The following NISCH variants were observed in gnomAD, a reference collection of about 807,000 sequenced individuals.
NISCH encodes nischarin.
In NISCH, 55 loss-of-function variants were observed where a neutral mutation model predicts 138.4. The observed-to-expected ratio is 0.40, with a 90% CI of 0.32 to 0.50. The LOEUF (loss-of-function observed/expected upper bound fraction) is 0.50. Ranked by LOEUF, NISCH falls within the 20% of genes least tolerant of loss-of-function variation. The pLI is 0.71. For missense variants in NISCH, 1,643 were observed against 2,005.5 expected (o/e 0.82, Z 3.45); for synonymous variants, 860 against 861.5 (o/e 1.00, Z 0.03).
chr3:52,474,547 C>T (rs548406267), intron 7 of NISCH, among the ~76,000 whole-genome samples: 2 of 152,274 alleles, frequency 1.3e-5, no homozygotes, highest in Non-Finnish European at 2.9e-5. Context: ...CCACCCGCCT[C>T]GGCCTCCCAA....
In NISCH at chr3:52,478,110, T is replaced by C; in HGVS notation, c.1001T>C (p.Leu334Pro). The C allele has an allele frequency of 6.2e-7, 1 of 1,613,880 alleles. No homozygotes were observed. Reference sequence around the variant, plus strand: ...ACGCCGCTGCAGCACCTGTATAACCTTGTGCATCTGGACCTGTCCTACAAC... The same window carrying C: ...ACGCCGCTGCAGCACCTGTATAACCCTGTGCATCTGGACCTGTCCTACAAC... ...VVDNLQHLYN[L>P]VHLDLSYNKL... Residue 334 changes from leucine (L) to proline (P), a missense_variant, in exon 10 of 21, where the codon CTT becomes CCT. By Grantham distance (98) the Leu-to-Pro change is moderately conservative. Transcript: ENST00000345716.
chr3:52,485,787 G>T lies in NISCH; in HGVS notation c.1663G>T (p.Asp555Tyr). The T allele has an allele frequency of 6.3e-7, 1 of 1,582,612 alleles. No homozygotes were observed. Among genetic ancestry groups the T allele is most frequent in the South Asian group, 1.2e-5 (1 of 86,690 alleles). Residue 555 changes from aspartate to tyrosine, a missense_variant, in exon 15 of 21, where the codon GAT (aspartate) becomes TAT (tyrosine). Transcript: ENST00000345716. ...ESIPAGQAAS[D>Y]DLRDVPGAVG... ...TTTCTTTCTCCATCAGGCAGCTTCC[G>T]ATGATTTAAGGGACGTGCCAGGAGC...
intron 3 of NISCH, among the ~76,000 whole-genome samples, chr3:52,466,980 T>C (rs988616299): frequency 1.3e-5 from 2 of 148,968 alleles, no homozygotes; most frequent in Non-Finnish European, 3.0e-5. Context: ...TAAACATAGC[T>C]GACACTAAGT....
chr3:52,481,145 T>A, intron 13 of NISCH: 1 of 1,239,474 alleles, frequency 8.1e-7, no homozygotes, highest in Non-Finnish European at 1.0e-6. Flanking sequence ...CTTAGAGGGA[T>A]AAGATACCGG....
intron 3 of NISCH, among the ~76,000 whole-genome samples, chr3:52,467,608 G>T (rs146941278): frequency 6.6e-6 from 1 of 152,362 alleles, no homozygotes; most frequent in East Asian, 1.9e-4. Flanking sequence ...AAGTGTTGCA[G>T]CAGTATGTAC....
At position 52,470,877 on chromosome 3, in the gene NISCH, G is replaced by A. The variant is rs781492284; in HGVS notation, c.379G>A (p.Ala127Thr). 3.1e-6 allele frequency: 5 copies of A among 1,614,134 alleles called. No homozygotes were observed. Among genetic ancestry groups the A allele is most frequent in the South Asian group, 2.2e-5 (2 of 91,080 alleles). The change falls in exon 4 of 21, where the codon GCG (alanine) becomes ACG (threonine). Residue 127 changes from alanine to threonine, a missense_variant. Ala to Thr is a moderately conservative substitution (Grantham distance 58). Coordinates refer to ENST00000345716, the MANE Select transcript of NISCH (RefSeq NM_007184.4). ...FHFYEINGIT[A>T]ALAEELFEKG... Reference sequence around the variant, plus strand: ...TCTGCAGGAGATAAATGGCATCACCGCGGCACTGGCTGAAGAGCTCTTTGA... The same window carrying A: ...TCTGCAGGAGATAAATGGCATCACCACGGCACTGGCTGAAGAGCTCTTTGA...
At chr3:52,484,033 C>T (rs982325675) in intron 13 of NISCH, among the ~76,000 whole-genome samples, 6 of 152,214 alleles carry the variant, frequency 3.9e-5, no homozygotes, top group Admixed American at 1.3e-4. Flanking sequence ...ATGTTCTATC[C>T]GCTGGCCGTT....
chr3:52,465,682 T>G (rs547810081), intron 3 of NISCH, among the ~76,000 whole-genome samples: 1 of 152,146 alleles, frequency 6.6e-6, no homozygotes, highest in African/African-American at 2.4e-5. Flanking sequence ...TAGCACACCA[T>G]GTGGGCCGGG....
chr3:52,489,715 C>G (rs756880811), intron 17 of NISCH, 37 bp downstream of exon 17: 4 of 1,592,216 alleles, frequency 2.5e-6, no homozygotes, highest in Non-Finnish European at 3.4e-6. Flanking sequence ...TATGGCACGG[C>G]CAGTCCTGAG....
intron 17 of NISCH, 78 bp downstream of exon 17, chr3:52,489,756 T>G: frequency 6.5e-7 from 1 of 1,548,708 alleles, no homozygotes; most frequent in South Asian, 1.2e-5. Flanking sequence ...CAGGTCAGCC[T>G]CAGGTCCCTG....
chr3:52,476,615 C>G lies in NISCH; in HGVS notation c.918+16C>G. On this transcript the variant is annotated intron_variant, in intron 8 of 20. Coordinates refer to ENST00000345716, the MANE Select transcript of NISCH (RefSeq NM_007184.4). ...CGAGTCTGTGGTATGCTCTCAGCAGCAGGTGCCAGGGGTTTCTCTGGCCCC... is the reference window on the plus strand; with the variant it reads ...CGAGTCTGTGGTATGCTCTCAGCAGGAGGTGCCAGGGGTTTCTCTGGCCCC... The G allele has an allele frequency of 1.2e-6, 2 of 1,613,644 alleles. No individual in the cohort carries two copies. The highest frequency in any genetic ancestry group is 2.2e-5 in the South Asian group (2 of 91,070).
intron 17 of NISCH, 38 bp downstream of exon 17, chr3:52,489,716 C>T: frequency 6.3e-7 from 1 of 1,591,504 alleles, no homozygotes; most frequent in Non-Finnish European, 8.5e-7. Flanking sequence ...ATGGCACGGC[C>T]AGTCCTGAGG....
chr3:52,471,695 T>A (rs1706951936), intron 4 of NISCH, 119 bp from the exon 5 acceptor site: 5 of 1,244,338 alleles, frequency 4.0e-6, no homozygotes, highest in Non-Finnish European at 5.8e-6. Flanking sequence ...GGGCGCTGGC[T>A]TTGCCCTGAC....
At position 52,487,323 on chromosome 3, in the gene NISCH, C is replaced by G. The variant is rs1014860993; in HGVS notation, c.1831C>G (p.Arg611Gly). 1.2e-6 allele frequency: 2 copies of G among 1,614,018 alleles called. No homozygotes were observed. Among genetic ancestry groups the G allele is most frequent in the Non-Finnish European group, 1.7e-6 (2 of 1,180,064 alleles). The change falls in exon 16 of 21, where the codon CGG becomes GGG. Residue 611 changes from arginine (R) to glycine (G), a missense_variant. Physicochemically the swap from Arg to Gly is moderately radical, Grantham distance 125. Transcript: ENST00000345716. This position sits in a 1 kb window ranked among gnomAD's most constrained non-coding sequence, Gnocchi z 9.1. ...CATCCAGCGCCTGAGCACACTGATC[C>G]GGCAGGCCATCGAGCGGCAGCTGCC... ...DFIQRLSTLIRQAIERQLPAW... is the reference protein window; with the variant it reads ...DFIQRLSTLIGQAIERQLPAW...
chr3:52,455,978 C>G (rs1706454207), intron 1 of NISCH, among the ~76,000 whole-genome samples: 1 of 95,000 alleles, frequency 1.1e-5, no homozygotes, highest in Non-Finnish European at 2.1e-5. Flanking sequence ...GAAAGGGAGG[C>G]TCGGGTTGGG....
Position 52,481,642 on chromosome 3 carries a change from C to T in NISCH, c.1528+1347C>T, listed in dbSNP as rs994050304. On this transcript the variant is annotated intron_variant, in intron 13 of 20. Coordinates refer to ENST00000345716, the MANE Select transcript of NISCH (RefSeq NM_007184.4). Reference sequence around the variant, plus strand: ...GCCATTTCTGCCAGCATCTGTTGATCAGTGAGTGAGTGAGTGGGCAGGTAG... The same window carrying T: ...GCCATTTCTGCCAGCATCTGTTGATTAGTGAGTGAGTGAGTGGGCAGGTAG... The T allele has an allele frequency of 4.8e-5, 47 of 985,656 alleles. No homozygotes were observed. In the African/African-American group the frequency reaches 7.2e-4, roughly 15 times the overall value. 61.1% of individuals were successfully genotyped at this position (985,656 alleles called of 1,614,324 possible). A position where few individuals can be genotyped will look rare whatever the true frequency, so the allele number is the denominator to read the frequency against.
chr3:52,476,297 A>T (rs1248470988), intron 7 of NISCH, 150 bp from the exon 8 acceptor site: 2 of 779,834 alleles, frequency 2.6e-6, no homozygotes, highest in Non-Finnish European at 4.2e-6. Flanking sequence ...TCGTTTAAAG[A>T]CATAGGAACC....
chr3:52,478,717 G>C (rs1179643365), intron 11 of NISCH, 140 bp downstream of exon 11: 2 of 725,304 alleles, frequency 2.8e-6, no homozygotes, highest in Non-Finnish European at 4.5e-6. Flanking sequence ...GGGCTTTTCA[G>C]TTCTGGGAAG....
At chr3:52,484,408 C>T in intron 13 of NISCH, 105 bp from the exon 14 acceptor site, 1 of 1,122,074 alleles carries the variant, frequency 8.9e-7, no homozygotes, top group Non-Finnish European at 1.3e-6. Flanking sequence ...TCTGGCTAAC[C>T]CCCGCCATGC....
Sources: allele counts gnomAD v4.1 joint callset (sites outside exome capture counted in the v4.1 genomes callset), GRCh38; gene constraint gnomAD v4.1.1; non-coding constraint Gnocchi (gnomAD v3.1); transcripts MANE v1.5; gene names NCBI Gene and HGNC (gene_info 2026-07-23, HGNC 2026-07-21).